Variants in FSD2 observed in about 807,000 individuals in gnomAD.
FSD2 encodes the protein fibronectin type III and SPRY domain-containing protein 2.
A neutral mutation model predicts 80.4 loss-of-function variants in FSD2; 71 were observed. The observed-to-expected ratio is 0.88, with a 90% CI of 0.73 to 1.08. FSD2 has a LOEUF of 1.08. Ranked by LOEUF, FSD2 falls within the 50% of genes least tolerant of loss-of-function variation. The pLI, the probability that FSD2 is intolerant of heterozygous loss-of-function variation, is 0.00. For synonymous variants in FSD2, 361 were observed against 329.5 expected, an observed-to-expected ratio of 1.10 and a Z score of -1.03; for missense variants, 923 against 913.8, an observed-to-expected ratio of 1.01 and a Z score of -0.13.
chr15:82,789,640 C>A (rs2050092897), intron 1 of FSD2, among the ~76,000 whole-genome samples: 1 of 152,204 alleles, frequency 6.6e-6, no homozygotes, highest in Non-Finnish European at 1.5e-5. Context: ...AGATATCCAA[C>A]TACAGGGAGT....
intron 9 of FSD2, among the ~76,000 whole-genome samples, chr15:82,768,423 T>C (rs759303294): frequency 5.9e-5 from 9 of 152,244 alleles, no homozygotes; most frequent in Non-Finnish European, 8.8e-5. Context: ...TTCTCTGTTT[T>C]ATTACATTTC....
At chr15:82,797,299 T>C (rs1478578277) in intron 1 of FSD2, among the ~76,000 whole-genome samples, 1 of 152,256 alleles carries the variant, frequency 6.6e-6, no homozygotes, top group Non-Finnish European at 1.5e-5. Context: ...GTGACATTGC[T>C]ATAATAAAAC....
chr15:82,759,796 T>G (rs562509567), intron 12 of FSD2, among the ~76,000 whole-genome samples, 196 bp from the exon 13 acceptor site: 13 of 145,982 alleles, frequency 8.9e-5, no homozygotes, highest in Non-Finnish European at 1.8e-4. Flanking sequence ...CTAAGAAACA[T>G]TTTCTTTTTT....
chr15:82,800,580 T>C (rs954400108), intron 1 of FSD2, among the ~76,000 whole-genome samples: 3 of 149,490 alleles, frequency 2.0e-5, no homozygotes, highest in Admixed American at 1.4e-4. Context: ...TAATCCCAGC[T>C]ACTCGGGAGG....
At chr15:82,760,836 T>C (rs2049280398) in intron 12 of FSD2, among the ~76,000 whole-genome samples, 1 of 152,134 alleles carries the variant, frequency 6.6e-6, no homozygotes, top group South Asian at 2.1e-4. Context: ...ATTCTTCTGT[T>C]TCCACCCCTC....
intron 3 of FSD2, among the ~76,000 whole-genome samples, chr15:82,784,583 C>G (rs964206789): frequency 6.6e-6 from 1 of 152,128 alleles, no homozygotes; most frequent in African/African-American, 2.4e-5. Context: ...TGTACACTTA[C>G]CCCCTTCTAC....
At chr15:82,759,699 G>T in intron 12 of FSD2, 99 bp from the exon 13 acceptor site, 2 of 1,088,450 alleles carry the variant, frequency 1.8e-6, no homozygotes, top group Non-Finnish European at 2.6e-6. Context: ...CTATGATTTT[G>T]CTATTTTCTA....
rs1415483397 is a variant in FSD2, at chr15:82,787,209, C to G, written c.182G>C (p.Gly61Ala). The G allele has an allele frequency of 6.2e-7, 1 of 1,613,828 alleles. No individual in the cohort carries two copies. Among genetic ancestry groups the G allele is most frequent in the Admixed American group, 1.7e-5 (1 of 59,980 alleles). ...CTCTTGAAGGTCTCTTTGAGCCTTA[C>G]CATCCCCTGCTCCTCTTGACTCATT... The part of the protein sequence containing the change: ...MANESRGAGD[G>A]KAQRDLQEEV... The change falls in exon 2 of 13, where the codon GGT (glycine) becomes GCT (alanine). Residue 61 changes from glycine to alanine, a missense_variant. Physicochemically the swap from Gly to Ala is moderately conservative, Grantham distance 60 (BLOSUM62 0). Coordinates refer to ENST00000334574, the MANE Select transcript of FSD2 (RefSeq NM_001007122.4).
chr15:82,765,786 G>T (rs796831358), intron 10 of FSD2, 112 bp downstream of exon 10: 1 of 1,345,158 alleles, frequency 7.4e-7, no homozygotes, highest in African/African-American at 1.5e-5. Context: ...GACTTGCCAC[G>T]TGTCCACATC....
At chr15:82,767,652 A>G (rs1054042404) in intron 9 of FSD2, among the ~76,000 whole-genome samples, 2 of 152,168 alleles carry the variant, frequency 1.3e-5, no homozygotes, top group Non-Finnish European at 2.9e-5. Flanking sequence ...GTATCAGCAT[A>G]AATTGCAAAG....
At chr15:82,764,932 G>A (rs2049378423) in intron 11 of FSD2, among the ~76,000 whole-genome samples, 2 of 151,936 alleles carry the variant, frequency 1.3e-5, no homozygotes, top group Admixed American at 1.3e-4. Context: ...CCTCCCAGGG[G>A]ACCGCGCCCT....
chr15:82,795,738 A>G (rs1043507993), intron 1 of FSD2, among the ~76,000 whole-genome samples: 4 of 152,026 alleles, frequency 2.6e-5, no homozygotes, highest in African/African-American at 9.7e-5. Context: ...AGGCTGAGGT[A>G]GGAGGGTCTC....
Position 82,772,113 on chromosome 15 carries a change from G to A in FSD2, c.1227C>T (p.Tyr409=), listed in dbSNP as rs763836514. ...DDTVESYQLS[Y]RPVQDSSPGT... ...CAGGTGAGCTGTCCTGCACTGGCCG[G>A]TAGGACAGCTGATAGCTCTCCACAG... Residue 409 remains tyrosine (Y), a synonymous_variant, in exon 7 of 13, where the codon TAC becomes TAT. Transcript: ENST00000334574. The A allele has an allele frequency of 1.7e-5, 27 of 1,605,268 alleles. No individual in the cohort carries two copies. In the East Asian group the frequency reaches 2.5e-4, roughly 15 times the overall value.
At chr15:82,779,472 C>G (rs1312137237) in intron 5 of FSD2, among the ~76,000 whole-genome samples, 1 of 152,070 alleles carries the variant, frequency 6.6e-6, no homozygotes, top group Non-Finnish European at 1.5e-5. Flanking sequence ...CAAGACCAGC[C>G]TGGCCAACAT....
rs2151482389 is a variant in FSD2, at chr15:82,759,295, G to A, written c.*53C>T. On this transcript the variant is annotated 3_prime_UTR_variant, in exon 13 of 13. Coordinates refer to ENST00000334574, the MANE Select transcript of FSD2 (RefSeq NM_001007122.4). ...CCAGGTTCAGCCAGCTAAGGCGTGA[G>A]CAGCTGCGAGAGGGGTAGGCATGGA... 6.3e-7 allele frequency: 1 copy of A among 1,585,668 alleles called. No homozygotes were observed. Among genetic ancestry groups the A allele is most frequent in the Non-Finnish European group, 8.6e-7 (1 of 1,166,822 alleles).
At chr15:82,782,697 G>C (rs988437559) in intron 4 of FSD2, 98 bp downstream of exon 4, 1 of 997,978 alleles carries the variant, frequency 1.0e-6, no homozygotes, top group African/African-American at 1.6e-5. Context: ...CAGGAGGAAA[G>C]AGGACAACCT....
intron 1 of FSD2, among the ~76,000 whole-genome samples, chr15:82,788,504 CAAAAAA>C (rs11317915): frequency 3.0e-5 from 2 of 66,248 alleles, no homozygotes; most frequent in East Asian, 8.6e-4. Flanking sequence ...GACCCTGTCT[CAAAAAA>C]AAAAAAAAAA....
chr15:82,762,031 G>T, intron 12 of FSD2, 71 bp downstream of exon 12: 2 of 1,218,104 alleles, frequency 1.6e-6, no homozygotes, highest in Non-Finnish European at 2.2e-6. Flanking sequence ...CTTAATTATT[G>T]CTAGTGAAAA....
At chr15:82,766,701 C>G (rs763728588) in intron 9 of FSD2, among the ~76,000 whole-genome samples, 17 of 149,264 alleles carry the variant, frequency 1.1e-4, no homozygotes, top group African/African-American at 4.2e-4. Flanking sequence ...GAGATCATCA[C>G]GCCACTGCAC....
Sources: allele counts gnomAD v4.1 joint callset (sites outside exome capture counted in the v4.1 genomes callset), GRCh38; gene constraint gnomAD v4.1.1; transcripts MANE v1.5; gene names NCBI Gene and HGNC (gene_info 2026-07-23, HGNC 2026-07-21).